NCOA6: variants seen among roughly 807,000 people sequenced by gnomAD.
The protein encoded by NCOA6 is NRC RAP250.
Under a neutral mutation model 171.4 loss-of-function variants are expected in NCOA6, and 49 were observed. The observed-to-expected ratio is 0.29, with a 90% CI of 0.23 to 0.36. The LOEUF (loss-of-function observed/expected upper bound fraction) is 0.36. Among genes scored for constraint, NCOA6 ranks in the 10% least tolerant of loss-of-function variants. The probability of loss-of-function intolerance (pLI) is 1.00; values close to 1 mark genes in which losing one functional copy is unlikely to be tolerated. For missense variants in NCOA6, 2,248 were observed against 2,554.5 expected, an observed-to-expected ratio of 0.88 and a Z score of 2.59; for synonymous variants, 910 against 927.5, an observed-to-expected ratio of 0.98 and a Z score of 0.34.
chr20:34,820,818 C>T (rs1399809313), intron 1 of NCOA6: 2 of 149,602 alleles, frequency 1.3e-5, no homozygotes, highest in Non-Finnish European at 3.0e-5. Flanking sequence ...TGGGAAATGA[C>T]ATCTGTAATA....
intron 1 of NCOA6, among the ~76,000 whole-genome samples, chr20:34,808,753 ATCT>A (rs1291026857): frequency 3.9e-5 from 6 of 152,092 alleles, no homozygotes; most frequent in African/African-American, 1.4e-4. Flanking sequence ...TGCACTTTAG[ATCT>A]TCTTGAGATC....
In NCOA6 at chr20:34,750,413, C is replaced by T. The variant is rs1375533417; in HGVS notation, c.1782G>A (p.Gln594=). 1.2e-6 allele frequency: 2 copies of T among 1,613,992 alleles called. No individual in the cohort carries two copies. Among genetic ancestry groups the T allele is most frequent in the Admixed American group, 1.7e-5 (1 of 60,010 alleles). The change falls in exon 9 of 15, where the codon CAG becomes CAA. Residue 594 remains glutamine, a synonymous_variant. Coordinates refer to ENST00000359003, the MANE Select transcript of NCOA6 (RefSeq NM_014071.5). ...LMGIHGNMNN[Q]QAGTSGVPQV... Reference sequence around the variant, plus strand: ...GAGGAACCCCAGAAGTACCAGCCTGCTGATTGTTCATGTTGCCATGAATTC... The same window carrying T: ...GAGGAACCCCAGAAGTACCAGCCTGTTGATTGTTCATGTTGCCATGAATTC...
rs183041999 is a variant in NCOA6, at chr20:34,731,188, T to G, written c.5999+1371A>C. On this transcript the variant is annotated intron_variant, in intron 13 of 14. Transcript: ENST00000359003. ...GCATGCGCCACCATGCCTGGCTAAT[T>G]TTTGTAGTTTTAGTAGAGACGGGGT... 4.1e-3 allele frequency among the ~76,000 whole-genome samples: 629 copies of G among 152,142 alleles called. 2 individuals carry two copies. Among genetic ancestry groups the G allele is most frequent in the African/African-American group, 0.014 (601 of 41,502 alleles).
chr20:34,735,428 G>A (rs2075922106), intron 12 of NCOA6, among the ~76,000 whole-genome samples: 1 of 152,104 alleles, frequency 6.6e-6, no homozygotes, highest in African/African-American at 2.4e-5. Context: ...GGTGGATCAT[G>A]AGGTCAGGAG....
At chr20:34,823,369 GAAAA>G (rs2079061807) in intron 1 of NCOA6, among the ~76,000 whole-genome samples, 1 of 136,138 alleles carries the variant, frequency 7.3e-6, no homozygotes, top group Non-Finnish European at 1.7e-5. Context: ...AGAAAAAAAA[GAAAA>G]GAAAAGAAAA....
At chr20:34,736,287 T>C (rs1191945256) in intron 12 of NCOA6, among the ~76,000 whole-genome samples, 3 of 152,302 alleles carry the variant, frequency 2.0e-5, no homozygotes, top group Middle Eastern at 6.8e-3. Context: ...ACTCCACTAC[T>C]GTCATAATAA....
At chr20:34,789,900 G>A (rs1171361996) in intron 2 of NCOA6, among the ~76,000 whole-genome samples, 1 of 151,926 alleles carries the variant, frequency 6.6e-6, no homozygotes, top group African/African-American at 2.4e-5. Flanking sequence ...TGCCTTAAAT[G>A]GAAGAATATT....
Position 34,716,292 on chromosome 20 carries a change from G to A in NCOA6, c.6149-927C>T, listed in dbSNP as rs1384403045. Among the ~76,000 whole-genome samples the A allele has an allele frequency of 2.6e-5, 4 of 151,684 alleles. No homozygotes were observed. The East Asian group carries it at 7.7e-4, about 29-fold the overall frequency. On this transcript the variant is annotated intron_variant, in intron 14 of 14. Coordinates refer to ENST00000359003, the MANE Select transcript of NCOA6 (RefSeq NM_014071.5). ...TTCAGAATAAGCAACGGCCTGCTCT[G>A]AGCCCAAGTGAGCCTGAAGGCTTCA...
At chr20:34,758,420 C>T (rs1448711481) in intron 6 of NCOA6, among the ~76,000 whole-genome samples, 1 of 152,114 alleles carries the variant, frequency 6.6e-6, no homozygotes, top group African/African-American at 2.4e-5. Context: ...AAACACTGAA[C>T]CTAACAAACT....
At chr20:34,732,262 A>G (rs75364592) in intron 13 of NCOA6, among the ~76,000 whole-genome samples, 3,561 of 152,306 alleles carry the variant, frequency 0.023, 121 homozygotes, top group African/African-American at 0.082. Flanking sequence ...AATGGTAACA[A>G]CAGCTCCCAT....
At chr20:34,818,379 C>CA (rs201368811) in intron 1 of NCOA6, among the ~76,000 whole-genome samples, 18 of 151,932 alleles carry the variant, frequency 1.2e-4, no homozygotes, top group Non-Finnish European at 2.6e-4. Context: ...CAAAACAAAA[C>CA]AAAAAAACCC....
chr20:34,720,310 G>C (rs79235309), intron 14 of NCOA6, among the ~76,000 whole-genome samples: 4,416 of 152,232 alleles, frequency 0.029, 225 homozygotes, highest in African/African-American at 0.1. Flanking sequence ...ATTTTAAAAA[G>C]TGATTTGTGG....
intron 13 of NCOA6, among the ~76,000 whole-genome samples, chr20:34,730,107 C>T (rs1181429382): frequency 1.3e-5 from 2 of 151,808 alleles, no homozygotes; most frequent in African/African-American, 4.8e-5. Context: ...TCACTCTGTC[C>T]CCCAGGCTGG....
intron 1 of NCOA6, among the ~76,000 whole-genome samples, chr20:34,797,160 T>A (rs1301913071): frequency 6.6e-6 from 1 of 152,082 alleles, no homozygotes; most frequent in African/African-American, 2.4e-5. Flanking sequence ...CAAGGAGTAA[T>A]TGTGCCACCT....
intron 1 of NCOA6, among the ~76,000 whole-genome samples, chr20:34,812,695 C>G (rs1434325310): frequency 6.6e-6 from 1 of 151,932 alleles, no homozygotes; most frequent in Non-Finnish European, 1.5e-5. Context: ...AAAAAAATTA[C>G]AAATGAATAA....
rs774135979 is a variant in NCOA6 at position 34,743,043 on chromosome 20, T to C, written c.3213A>G (p.Gln1071=). 5 of 1,613,872 alleles carry C rather than the reference T, an allele frequency of 3.1e-6. No individual in the cohort carries two copies. The highest frequency in any genetic ancestry group is 1.1e-5 in the South Asian group (1 of 91,036). The part of the protein sequence containing the change: ...LNPDSQRMPM[Q]QSGSVPVMVS... Reference sequence around the variant, plus strand: ...CCATGACAGGCACACTGCCACTCTGTTGCATGGGCATTCTCTGGGAGTCGG... The same window carrying C: ...CCATGACAGGCACACTGCCACTCTGCTGCATGGGCATTCTCTGGGAGTCGG... The change falls in exon 11 of 15, where the codon CAA becomes CAG. Residue 1071 remains glutamine, a synonymous_variant. Transcript: ENST00000359003.
At position 34,741,373 on chromosome 20, in the gene NCOA6, AC is replaced by A; in HGVS notation, c.4882del (p.Val1628LeufsTer39). ...THLQSALMSTVVTMPNAGSKV... is the reference protein window; with the variant it reads ...THLQSALMSTXVTMPNAGSKV... Reference sequence around the variant, plus strand: ...GCTACCCGCATTGGGCATTGTGACAACTGTTGACATCAATGCAGACTGCAAG... The same window carrying A: ...GCTACCCGCATTGGGCATTGTGACAATGTTGACATCAATGCAGACTGCAAG... On this transcript the variant is annotated frameshift_variant, in exon 11 of 15. Coordinates refer to ENST00000359003, the MANE Select transcript of NCOA6 (RefSeq NM_014071.5). LOFTEE classifies it high-confidence loss of function. The A allele has an allele frequency of 6.2e-7, 1 of 1,614,272 alleles. No individual in the cohort carries two copies. The highest frequency in any genetic ancestry group is 8.5e-7 in the Non-Finnish European group (1 of 1,180,048).
intron 14 of NCOA6, among the ~76,000 whole-genome samples, chr20:34,719,100 T>C (rs6119512): frequency 0.34 from 51,075 of 152,082 alleles, 9,115 homozygotes; most frequent in Middle Eastern, 0.43. Context: ...TGTCCAACTA[T>C]GTCACTGGGG....
chr20:34,737,622 T>C (rs576361697), intron 11 of NCOA6, among the ~76,000 whole-genome samples: 67 of 152,206 alleles, frequency 4.4e-4, no homozygotes, highest in Non-Finnish European at 1.3e-4. Flanking sequence ...ATAAAATATG[T>C]AATGCCCTCT....
Sources: gnomAD v4.1 joint callset for allele counts (sites outside exome capture counted in the v4.1 genomes callset) on GRCh38, gnomAD v4.1.1 for gene constraint, MANE v1.5 for transcripts, NCBI Gene and HGNC (gene_info 2026-07-23, HGNC 2026-07-21) for gene names.